Variants in GALNT17 observed in about 807,000 individuals in gnomAD.
The protein encoded by GALNT17 is polypeptide N-acetylgalactosaminyltransferase 17, also known as UDP-GalNAc:polypeptide N-acetylgalactosaminyltransferase-like 3.
In GALNT17, 29 loss-of-function variants were observed where a neutral mutation model predicts 63.7. That is an observed-to-expected ratio of 0.46 (90% CI 0.34 to 0.62). The LOEUF is 0.62. GALNT17 is among the 20% of genes least tolerant of loss of function. The probability of loss-of-function intolerance (pLI) is 0.01; values close to 1 mark genes in which losing one functional copy is unlikely to be tolerated. For synonymous variants in GALNT17, 305 were observed against 318.3 expected (o/e 0.96, Z 0.45); for missense variants, 603 against 799.6 (o/e 0.75, Z 2.97).
chr7:71,657,440 T>G (rs1261173276), intron 6 of GALNT17, among the ~76,000 whole-genome samples: 2 of 152,182 alleles, frequency 1.3e-5, no homozygotes, highest in Non-Finnish European at 1.5e-5. Flanking sequence ...AATGAACCAG[T>G]CATGTTGGCT....
chr7:71,624,271 C>T (rs1467697492), intron 6 of GALNT17, among the ~76,000 whole-genome samples: 1 of 152,182 alleles, frequency 6.6e-6, no homozygotes, highest in Non-Finnish European at 1.5e-5. Flanking sequence ...TGTCCTCACA[C>T]CAGGGCCTAG....
chr7:71,622,692 G>C (rs1790314540), intron 6 of GALNT17, among the ~76,000 whole-genome samples: 1 of 152,166 alleles, frequency 6.6e-6, no homozygotes, highest in African/African-American at 2.4e-5. Flanking sequence ...CTGAGAGACT[G>C]CTCTTCTGGT....
chr7:71,255,969 G>C (rs1202666), intron 1 of GALNT17, among the ~76,000 whole-genome samples: 123,289 of 152,172 alleles, frequency 0.81, 50,125 homozygotes, highest in East Asian at 0.97. Flanking sequence ...ATACCCTTCT[G>C]CCTTTTCAGA....
At chr7:71,618,545 T>G (rs1156434926) in intron 6 of GALNT17, among the ~76,000 whole-genome samples, 1 of 152,178 alleles carries the variant, frequency 6.6e-6, no homozygotes, top group Non-Finnish European at 1.5e-5. Context: ...TGGTTTTGAT[T>G]TGCATTTCTC....
rs556348639 is a variant in GALNT17 at position 71,317,569 on chromosome 7, G to C, written c.239-17981G>C. On this transcript the variant is annotated intron_variant, in intron 1 of 10. Coordinates refer to ENST00000333538, the MANE Select transcript of GALNT17 (RefSeq NM_022479.3). ...GGATGTGAGCCCAATGGGGCAGGCT[G>C]CTCTGGGGGGATCATGGCTGAGTGT... Among the ~76,000 whole-genome samples the C allele has an allele frequency of 1.1e-4, 17 of 152,248 alleles. No homozygotes were observed. In the East Asian group the frequency reaches 3.3e-3, roughly 30 times the overall value.
intron 9 of GALNT17, among the ~76,000 whole-genome samples, chr7:71,699,320 G>T (rs1584146463): frequency 6.6e-6 from 1 of 151,312 alleles, no homozygotes; most frequent in Non-Finnish European, 1.5e-5. Context: ...TCTACTACAA[G>T]TACAAAAATT....
intron 2 of GALNT17, among the ~76,000 whole-genome samples, chr7:71,344,038 G>A (rs1368681940): frequency 2.0e-5 from 3 of 151,870 alleles, no homozygotes; most frequent in Admixed American, 6.6e-5. Flanking sequence ...AAGGCATCTT[G>A]GCCCCAGAGG....
At chr7:71,177,163 C>T (rs1035715583) in intron 1 of GALNT17, among the ~76,000 whole-genome samples, 4 of 152,056 alleles carry the variant, frequency 2.6e-5, no homozygotes, top group Non-Finnish European at 5.9e-5. Flanking sequence ...CTCATATGTT[C>T]GAGGACATTT....
At chr7:71,456,154 G>A (rs187143072) in intron 5 of GALNT17, among the ~76,000 whole-genome samples, 2 of 152,210 alleles carry the variant, frequency 1.3e-5, no homozygotes, top group Admixed American at 1.3e-4. Flanking sequence ...GCTGAGGCAG[G>A]AGAATTGCTT....
chr7:71,426,154 T>A (rs1226342455), intron 5 of GALNT17, among the ~76,000 whole-genome samples: 3 of 151,592 alleles, frequency 2.0e-5, no homozygotes, highest in Admixed American at 6.6e-5. Context: ...CAATTCAACA[T>A]GAGATTTGGG....
At chr7:71,655,856 T>G (rs1229149492) in intron 6 of GALNT17, among the ~76,000 whole-genome samples, 1 of 152,046 alleles carries the variant, frequency 6.6e-6, no homozygotes, top group African/African-American at 2.4e-5. Flanking sequence ...GAAGAGCGTT[T>G]GGGAAGAGAC....
intron 5 of GALNT17, among the ~76,000 whole-genome samples, chr7:71,545,751 G>C (rs1232177654): frequency 6.6e-6 from 1 of 152,144 alleles, no homozygotes; most frequent in Non-Finnish European, 1.5e-5. Context: ...TATTTGCTGA[G>C]TCTTACTTAC....
intron 1 of GALNT17, among the ~76,000 whole-genome samples, chr7:71,310,140 C>T (rs1479401446): frequency 6.6e-6 from 1 of 152,172 alleles, no homozygotes; most frequent in Non-Finnish European, 1.5e-5. Context: ...AACTGTAAGT[C>T]CATCAAACCT....
intron 2 of GALNT17, among the ~76,000 whole-genome samples, chr7:71,379,545 G>T (rs898201168): frequency 6.6e-6 from 1 of 152,052 alleles, no homozygotes; most frequent in Admixed American, 6.6e-5. Flanking sequence ...GAACTAAGGC[G>T]GTAGCAATGG....
intron 2 of GALNT17, among the ~76,000 whole-genome samples, chr7:71,336,901 G>A (rs190747161): frequency 6.6e-5 from 10 of 152,120 alleles, no homozygotes; most frequent in East Asian, 1.9e-4. Context: ...AGTTCTTTGC[G>A]GCTTCACCAA....
intron 1 of GALNT17, among the ~76,000 whole-genome samples, chr7:71,303,989 G>A (rs1362212230): frequency 6.6e-6 from 1 of 152,126 alleles, no homozygotes; most frequent in Non-Finnish European, 1.5e-5. Context: ...GGAGTCTCAA[G>A]GTGCACACTT....
At chr7:71,414,350 AATT>A (rs1793486569) in intron 3 of GALNT17, among the ~76,000 whole-genome samples, 1 of 152,238 alleles carries the variant, frequency 6.6e-6, no homozygotes, top group Non-Finnish European at 1.5e-5. Context: ...ATGATAAACC[AATT>A]ATTATTAGAT....
chr7:71,133,888 G>A (rs1787734178), intron 1 of GALNT17, among the ~76,000 whole-genome samples: 1 of 152,126 alleles, frequency 6.6e-6, no homozygotes, highest in Admixed American at 6.5e-5. Context: ...GGTTATCCAA[G>A]GCAGATACGT....
At chr7:71,392,318 T>C (rs778477053) in intron 3 of GALNT17, among the ~76,000 whole-genome samples, 1 of 152,166 alleles carries the variant, frequency 6.6e-6, no homozygotes, top group Non-Finnish European at 1.5e-5. Context: ...GTGTGGGTGA[T>C]GGAGCTTAAT....
Sources: gnomAD v4.1 joint callset for allele counts (sites outside exome capture counted in the v4.1 genomes callset) on GRCh38, gnomAD v4.1.1 for gene constraint, MANE v1.5 for transcripts, NCBI Gene and HGNC (gene_info 2026-07-23, HGNC 2026-07-21) for gene names.